The following COL18A1 variants were observed in gnomAD, a reference collection of about 807,000 sequenced individuals.
The protein encoded by COL18A1 is collagen type XVIII alpha 1 chain.
COL18A1 carries 133 observed loss-of-function variants against 168.0 expected under a neutral mutation model. The ratio of observed to expected loss-of-function variants is 0.79; its 90% confidence interval spans 0.69 to 0.91. The LOEUF (loss-of-function observed/expected upper bound fraction) is 0.91. Among genes scored for constraint, COL18A1 ranks in the 40% least tolerant of loss-of-function variants. The pLI is 0.00. For missense variants in COL18A1, 2,126 were observed against 1,925.4 expected (o/e 1.10, Z -1.95); for synonymous variants, 949 against 809.0 (o/e 1.17, Z -2.94).
intron 40 of COL18A1, among the ~76,000 whole-genome samples, 165 bp from the exon 41 acceptor site, chr21:45,510,946 C>CCCACACAT (rs149520091): frequency 5.2e-5 from 3 of 57,382 alleles, no homozygotes; most frequent in Non-Finnish European, 9.2e-5. Flanking sequence ...AAAACACACA[C>CCCACACAT]CCACAACACC....
chr21:45,494,551 C>T lies in COL18A1; in HGVS notation c.2359C>T (p.Pro787Ser), dbSNP rs1792181747. ...TTCTTGTTTTTTTGCTCAGGGAGAG[C>T]CGGGCTTCCGAGGACCCCCGGTAAG... ...GPAQKGAKGE[P>S]GFRGPPGPYG... The change falls in exon 27 of 42, where the codon CCG (proline) becomes TCG (serine). Residue 787 changes from proline to serine, a missense_variant. By Grantham distance (74) the Pro-to-Ser change is moderately conservative. Transcript: ENST00000651438. 10 of 1,613,218 alleles carry T rather than the reference C, an allele frequency of 6.2e-6. No individual in the cohort carries two copies. Among genetic ancestry groups the T allele is most frequent in the Admixed American group, 3.3e-5 (2 of 60,004 alleles).
At chr21:45,416,570 C>T (rs957686401) in intron 2 of COL18A1, among the ~76,000 whole-genome samples, 8 of 152,256 alleles carry the variant, frequency 5.3e-5, no homozygotes, top group Non-Finnish European at 7.4e-5. Flanking sequence ...CCCAGCATCT[C>T]TTAGATTTCC....
rs2034442993 is a variant in COL18A1, at chr21:45,443,733, T to C, written c.107-24509T>C. ...AAACACAAATCAAGTGCCAATTTCCTGGTGAAGAGTCTTTATGAGAGCAAT... is the reference window on the plus strand; with the variant it reads ...AAACACAAATCAAGTGCCAATTTCCCGGTGAAGAGTCTTTATGAGAGCAAT... On this transcript the variant is annotated intron_variant, in intron 2 of 41. Coordinates refer to ENST00000651438, the MANE Select transcript of COL18A1 (RefSeq NM_001379500.1). The surrounding 1 kb of genome is among the most constrained non-coding windows in gnomAD (Gnocchi z 5.2). Among the ~76,000 whole-genome samples the C allele has an allele frequency of 6.6e-6, 1 of 152,190 alleles. No individual in the cohort carries two copies. Among genetic ancestry groups the C allele is most frequent in the African/African-American group, 2.4e-5 (1 of 41,446 alleles).
At chr21:45,414,111 C>T (rs182616382) in intron 2 of COL18A1, among the ~76,000 whole-genome samples, 1 of 152,324 alleles carries the variant, frequency 6.6e-6, no homozygotes, top group African/African-American at 2.4e-5. Flanking sequence ...GGATGCACCG[C>T]CTGGCCCCAG....
chr21:45,512,750 C>G lies in COL18A1; in HGVS notation c.*352C>G, dbSNP rs951896116. On this transcript the variant is annotated 3_prime_UTR_variant, in exon 42 of 42. Transcript: ENST00000651438. ...CCTGCTTTGGGAAGCCGTGCTCGCC[C>G]CAGCAGGTGCTGACTTCATCTCCCA... 8.7e-5 allele frequency: 33 copies of G among 379,482 alleles called. No individual in the cohort carries two copies. The highest frequency in any genetic ancestry group is 6.9e-4 in the African/African-American group (33 of 48,146). The allele number at this position is 379,482 out of a possible 1,614,324, so 23.5% of individuals were successfully genotyped here. A position where few individuals can be genotyped will look rare whatever the true frequency, so the allele number is the denominator to read the frequency against.
intron 32 of COL18A1, chr21:45,503,098 G>C (rs1013428435): frequency 1.3e-4 from 20 of 152,168 alleles, no homozygotes; most frequent in Admixed American, 9.2e-4. Context: ...TAATGGGATG[G>C]CTGGGTCAAA....
rs2034435440 is a variant in COL18A1 at position 45,443,449 on chromosome 21, C to T, written c.107-24793C>T. On this transcript the variant is annotated intron_variant, in intron 2 of 41. Transcript: ENST00000651438. This position sits in a 1 kb window ranked among gnomAD's most constrained non-coding sequence, Gnocchi z 5.2. ...TTCCTCCTTGGCCCTCACAGCCCAG[C>T]TCGGCATCGCAGCAGAGTCCCGGTG... Among the ~76,000 whole-genome samples the T allele has an allele frequency of 6.6e-6, 1 of 152,184 alleles. No homozygotes were observed. The highest frequency in any genetic ancestry group is 1.5e-5 in the Non-Finnish European group (1 of 68,010).
intron 2 of COL18A1, among the ~76,000 whole-genome samples, chr21:45,458,429 G>T (rs1162731662): frequency 1.3e-5 from 2 of 152,080 alleles, no homozygotes; most frequent in Non-Finnish European, 2.9e-5. Flanking sequence ...GCCCGCGAAT[G>T]TTGGCATCTC....
intron 4 of COL18A1, 42 bp downstream of exon 4, chr21:45,474,023 C>A: frequency 6.7e-7 from 1 of 1,492,086 alleles, no homozygotes; most frequent in Non-Finnish European, 9.2e-7. Flanking sequence ...CCCCTCAATC[C>A]CTGGCACGCG....
Position 45,505,347 on chromosome 21 carries a change from C to T in COL18A1, c.3014-11C>T. On this transcript the variant is annotated splice_polypyrimidine_tract_variant and intron_variant, in intron 35 of 41. Transcript: ENST00000651438. ...TGGCTTCGTGTTCCCACCTTGGTTT[C>T]TCTCCTGCAGCTATCAGCGTTCCCG... 6.3e-7 allele frequency: 1 copy of T among 1,595,950 alleles called. No individual in the cohort carries two copies. Among genetic ancestry groups the T allele is most frequent in the South Asian group, 1.1e-5 (1 of 90,496 alleles).
intron 39 of COL18A1, 54 bp downstream of exon 39, chr21:45,509,655 A>G (rs2037455480): frequency 2.1e-6 from 2 of 951,602 alleles, no homozygotes; most frequent in Non-Finnish European, 3.3e-6. Flanking sequence ...GGCTCTCGGC[A>G]GCAGAAGAGG....
chr21:45,494,780 C>T, intron 27 of COL18A1, 82 bp from the exon 28 acceptor site: 1 of 1,342,884 alleles, frequency 7.4e-7, no homozygotes, highest in Non-Finnish European at 1.0e-6. Context: ...TCTGCATGGC[C>T]CCTCCCCTTC....
Position 45,488,561 on chromosome 21 carries a change from A to G in COL18A1, c.1923+117A>G, listed in dbSNP as rs2036194446. The G allele has an allele frequency of 3.4e-6, 5 of 1,483,738 alleles. No individual in the cohort carries two copies. The East Asian group carries it at 1.1e-4, about 34-fold the overall frequency. The allele number at this position is 1,483,738 out of a possible 1,614,324, so 91.9% of individuals were successfully genotyped here. On this transcript the variant is annotated intron_variant, in intron 18 of 41. Transcript: ENST00000651438. ...TTTTCTGATGGCAGGAGTAGGATGAATTCATCCTGGGAAGTTTGCAAAATA... is the reference window on the plus strand; with the variant it reads ...TTTTCTGATGGCAGGAGTAGGATGAGTTCATCCTGGGAAGTTTGCAAAATA...
rs995073751 is a variant in COL18A1, at chr21:45,473,559, G to A, written c.652-336G>A. On this transcript the variant is annotated intron_variant, in intron 3 of 41. Coordinates refer to ENST00000651438, the MANE Select transcript of COL18A1 (RefSeq NM_001379500.1). The surrounding 1 kb of genome is among the most constrained non-coding windows in gnomAD (Gnocchi z 4.0). The stretch of plus-strand genomic sequence containing the variant: ...GACCTGCAGCCCCTCGAATCTGCCC[G>A]CCCTCCCAGGCCTTGGATCGAGCCA... Among the ~76,000 whole-genome samples, 7 of 152,028 alleles carry A rather than the reference G, an allele frequency of 4.6e-5. No individual in the cohort carries two copies. Among genetic ancestry groups the A allele is most frequent in the East Asian group, 1.9e-4 (1 of 5,160 alleles).
chr21:45,477,754 G>C lies in COL18A1; in HGVS notation c.1010G>C (p.Gly337Ala). Reference sequence around the variant, plus strand: ...CTGTGTTCTGTTTATTCCCAGGGCGGCCTGAAGGGGCAGAAAGGGGAGCCA... The same window carrying C: ...CTGTGTTCTGTTTATTCCCAGGGCGCCCTGAAGGGGCAGAAAGGGGAGCCA... ...RTPGGRVKEGGLKGQKGEPGV... is the reference protein window; with the variant it reads ...RTPGGRVKEGALKGQKGEPGV... Residue 337 changes from glycine to alanine, a missense_variant, in exon 8 of 42, where the codon GGC (glycine) becomes GCC (alanine). Coordinates refer to ENST00000651438, the MANE Select transcript of COL18A1 (RefSeq NM_001379500.1). 6.5e-7 allele frequency: 1 copy of C among 1,538,430 alleles called. No individual in the cohort carries two copies. Among genetic ancestry groups the C allele is most frequent in the Non-Finnish European group, 8.8e-7 (1 of 1,142,268 alleles).
chr21:45,489,596 C>T, intron 19 of COL18A1, 75 bp downstream of exon 19: 1 of 979,450 alleles, frequency 1.0e-6, no homozygotes, highest in South Asian at 1.6e-5. Flanking sequence ...CTGCGGAGAT[C>T]AGCTCGGGGC....
chr21:45,511,077 CACCA>C (rs1568954871), intron 40 of COL18A1, 30 bp from the exon 41 acceptor site: 3 of 1,053,186 alleles, frequency 2.8e-6, no homozygotes, highest in Non-Finnish European at 2.7e-6. Context: ...CACCCCCACA[CACCA>C]CACACACATA....
intron 2 of COL18A1, among the ~76,000 whole-genome samples, chr21:45,467,674 T>TC (rs1462677767): frequency 6.6e-6 from 1 of 152,116 alleles, no homozygotes; most frequent in Non-Finnish European, 1.5e-5. Context: ...GGGGTCAGCC[T>TC]CCCTCCTTCC....
Position 45,510,164 on chromosome 21 carries a change from C to A in COL18A1, c.3596C>A (p.Ala1199Glu), listed in dbSNP as rs375590764. The change falls in exon 40 of 42, where the codon GCG becomes GAG. Residue 1199 changes from alanine (A) to glutamate (E), a missense_variant. Transcript: ENST00000651438. ...CAGCAGGCGCGGGCCGTGGGGCTGG[C>A]GGGCACCTTCCGCGCCTTCCTGTCC... ...CFQQARAVGL[A>E]GTFRAFLSSR... The A allele has an allele frequency of 6.3e-7, 1 of 1,596,098 alleles. No homozygotes were observed.
Sources: allele counts gnomAD v4.1 joint callset (sites outside exome capture counted in the v4.1 genomes callset), GRCh38; gene constraint gnomAD v4.1.1; non-coding constraint Gnocchi (gnomAD v3.1); transcripts MANE v1.5; gene names NCBI Gene and HGNC (gene_info 2026-07-23, HGNC 2026-07-21).